DGKI: variants seen among roughly 807,000 people sequenced by gnomAD.
DGKI encodes DAG kinase iota.
A neutral mutation model predicts 147.5 loss-of-function variants in DGKI; 55 were observed. The ratio of observed to expected loss-of-function variants is 0.37; its 90% CI spans 0.30 to 0.47. The LOEUF is 0.47. Among genes scored for constraint, DGKI ranks in the 20% least tolerant of loss-of-function variants. DGKI has a pLI of 1.00. For synonymous variants in DGKI, 469 were observed against 477.1 expected, an observed-to-expected ratio of 0.98 and a Z score of 0.22; for missense variants, 1,007 against 1,323.8, an observed-to-expected ratio of 0.76 and a Z score of 3.71.
Position 137,565,293 on chromosome 7 carries a change from A to G in DGKI, c.1947+5882T>C, listed in dbSNP as rs59070863. Among the ~76,000 whole-genome samples, 899 of 152,264 alleles carry G rather than the reference A, an allele frequency of 5.9e-3. 7 individuals are homozygous for G. Among genetic ancestry groups the G allele is most frequent in the African/African-American group, 0.02 (847 of 41,562 alleles). On this transcript the variant is annotated intron_variant, in intron 19 of 32. Transcript: ENST00000614521. ...TTTTCCTTATAATATGGTTTCATGT[A>G]TTTTTAAAAATGTAAAAATAAAGCA...
At position 137,587,184 on chromosome 7, in the gene DGKI, A is replaced by C; in HGVS notation, c.1338T>G (p.Asp446Glu). 6.2e-7 allele frequency: 1 copy of C among 1,613,002 alleles called. No individual in the cohort carries two copies. Among genetic ancestry groups the C allele is most frequent in the Non-Finnish European group, 8.5e-7 (1 of 1,179,630 alleles). ...GTVGWILSILDELQLSPQPPV... is the reference protein window; with the variant it reads ...GTVGWILSILEELQLSPQPPV... ...GAGGCTGAGGGCTCAGCTGCAGTTCATCCAGGATGGAAAGGATCCAGCCCA... is the reference window on the plus strand; with the variant it reads ...GAGGCTGAGGGCTCAGCTGCAGTTCCTCCAGGATGGAAAGGATCCAGCCCA... Residue 446 changes from aspartate to glutamate, a missense_variant, in exon 13 of 33, where the codon GAT (aspartate) becomes GAG (glutamate). By Grantham distance (45) the Asp-to-Glu change is conservative (BLOSUM62 2). Around this residue, in one of 5 missense-constraint regions of DGKI, gnomAD observed 224 missense variants for 382.7 expected, o/e 0.59. Coordinates refer to ENST00000614521, the MANE Select transcript of DGKI (RefSeq NM_001321708.2).
rs114823433 is a variant in DGKI at position 137,611,353 on chromosome 7, G to A, written c.994-1744C>T. 7.6e-3 allele frequency among the ~76,000 whole-genome samples: 1,155 copies of A among 152,152 alleles called. 15 individuals are homozygous for A. Among genetic ancestry groups the A allele is most frequent in the African/African-American group, 0.026 (1,089 of 41,494 alleles). ...AGAGTTTTGAAAAATGCTCGTGCCC[G>A]GGCCCCATCAACTATTCTTTCATCT... On this transcript the variant is annotated intron_variant, in intron 8 of 32. Coordinates refer to ENST00000614521, the MANE Select transcript of DGKI (RefSeq NM_001321708.2).
chr7:137,571,382 A>G (rs982427244), intron 18 of DGKI, 96 bp from the exon 19 acceptor site: 1 of 816,174 alleles, frequency 1.2e-6, no homozygotes, highest in Non-Finnish European at 1.9e-6. Context: ...TGTTTATCAA[A>G]CATAAAAACA....
At chr7:137,741,321 C>T (rs544865957) in intron 1 of DGKI, among the ~76,000 whole-genome samples, 3 of 152,330 alleles carry the variant, frequency 2.0e-5, no homozygotes, top group Admixed American at 6.5e-5. Context: ...TTTACAGATG[C>T]CTCTTCACAC....
At chr7:137,553,653 TAC>T (rs1818127131) in intron 19 of DGKI, among the ~76,000 whole-genome samples, 1 of 152,202 alleles carries the variant, frequency 6.6e-6, no homozygotes, top group African/African-American at 2.4e-5. Context: ...AATTTTATTA[TAC>T]AGTTTAATAA....
intron 28 of DGKI, among the ~76,000 whole-genome samples, chr7:137,413,351 C>T (rs534923384): frequency 1.1e-4 from 16 of 151,730 alleles, no homozygotes; most frequent in East Asian, 1.9e-4. Context: ...TATTGCATGA[C>T]GCTGAGGTTT....
chr7:137,698,145 A>AAT (rs147250252), intron 1 of DGKI, among the ~76,000 whole-genome samples: 7,294 of 147,456 alleles, frequency 0.049, 286 homozygotes, highest in African/African-American at 0.12. Context: ...TATAACTCCA[A>AAT]ATATATATAT....
chr7:137,774,037 A>C (rs1796288667), intron 1 of DGKI, among the ~76,000 whole-genome samples: 1 of 152,192 alleles, frequency 6.6e-6, no homozygotes, highest in South Asian at 2.1e-4. Context: ...ACAAACAAAT[A>C]AGCAAGTCTG....
At position 137,466,928 on chromosome 7, in the gene DGKI, G is replaced by T; in HGVS notation, c.2458C>A (p.Arg820Ser). 1 of 1,614,094 alleles carries T rather than the reference G, an allele frequency of 6.2e-7. No homozygotes were observed. The highest frequency in any genetic ancestry group is 1.1e-5 in the South Asian group (1 of 91,072). Residue 820 changes from arginine to serine, a missense_variant, in exon 25 of 33, where the codon CGC becomes AGC. Coordinates refer to ENST00000614521, the MANE Select transcript of DGKI (RefSeq NM_001321708.2). ...WCFLDATSADRFYRIDRSQEH... is the reference protein window; with the variant it reads ...WCFLDATSADSFYRIDRSQEH... ...TGAGATCTGTCTATTCGATAAAAGC[G>T]ATCAGCAGAAGTTGCTAGGGGAAAA...
chr7:137,442,945 C>T (rs1013288499), intron 28 of DGKI, among the ~76,000 whole-genome samples: 1 of 152,112 alleles, frequency 6.6e-6, no homozygotes, highest in Non-Finnish European at 1.5e-5. Context: ...CAAGCCCTTA[C>T]AGAGGATGAG....
intron 1 of DGKI, among the ~76,000 whole-genome samples, chr7:137,835,060 G>A (rs955336276): frequency 6.6e-6 from 1 of 152,172 alleles, no homozygotes; most frequent in African/African-American, 2.4e-5. Context: ...TCAGCTGCCA[G>A]CGAAAGCTCA....
intron 28 of DGKI, among the ~76,000 whole-genome samples, chr7:137,432,538 T>C (rs207468659): frequency 6.6e-6 from 1 of 152,234 alleles, no homozygotes. Context: ...TTGCCTATAT[T>C]ACCTAATTTA....
chr7:137,779,692 TTC>T (rs1796461314), intron 1 of DGKI, among the ~76,000 whole-genome samples: 1 of 152,170 alleles, frequency 6.6e-6, no homozygotes, highest in African/African-American at 2.4e-5. Flanking sequence ...GTCTGTGGTA[TTC>T]TGTTACAGCT....
rs1817244191 is a variant in DGKI, at chr7:137,528,963, AAG to A, written c.2148-6999_2148-6998del. On this transcript the variant is annotated intron_variant, in intron 20 of 32. Transcript: ENST00000614521. ...AATCAGTCACATGGACTAATGTCAA[AAG>A]AGTGCAAACATTAACCACCAAAGCT... Among the ~76,000 whole-genome samples the A allele has an allele frequency of 5.3e-5, 8 of 152,346 alleles. No individual in the cohort carries two copies. In the South Asian group the frequency reaches 1.4e-3, roughly 28 times the overall value.
intron 12 of DGKI, among the ~76,000 whole-genome samples, chr7:137,592,572 T>A (rs114321944): frequency 6.6e-6 from 1 of 152,336 alleles, no homozygotes; most frequent in African/African-American, 2.4e-5. Context: ...AGGGTGGAGA[T>A]GACAGCAAAC....
intron 11 of DGKI, among the ~76,000 whole-genome samples, chr7:137,599,266 A>G (rs1274774574): frequency 5.3e-5 from 8 of 152,290 alleles, no homozygotes; most frequent in African/African-American, 1.7e-4. Context: ...TTCTAACAAA[A>G]GCAGAGAATG....
At chr7:137,441,186 C>T (rs925639522) in intron 28 of DGKI, among the ~76,000 whole-genome samples, 5 of 151,770 alleles carry the variant, frequency 3.3e-5, no homozygotes, top group Non-Finnish European at 1.5e-5. Flanking sequence ...TTTGGGAGGC[C>T]GAGGTGGGCG....
chr7:137,404,836 C>CT (rs5887837), intron 30 of DGKI, among the ~76,000 whole-genome samples: 152,270 of 152,276 alleles, frequency 1, 76,132 homozygotes, highest in Middle Eastern at 1. Context: ...GTGACTCAGT[C>CT]TTGCAAGAGT....
At chr7:137,618,640 T>A (rs934533724) in intron 8 of DGKI, among the ~76,000 whole-genome samples, 5 of 151,790 alleles carry the variant, frequency 3.3e-5, no homozygotes, top group African/African-American at 9.7e-5. Flanking sequence ...AAAAAAAAAA[T>A]TTTAAAGTAG....
Sources: gnomAD v4.1 joint callset for allele counts (sites outside exome capture counted in the v4.1 genomes callset) on GRCh38, gnomAD v4.1.1 for gene constraint, gnomAD v4.1.1 regional missense constraint, MANE v1.5 for transcripts, NCBI Gene and HGNC (gene_info 2026-07-23, HGNC 2026-07-21) for gene names.